Variants in SRGAP3 observed in about 807,000 individuals in gnomAD.
SRGAP3 encodes the protein SLIT-ROBO Rho GTPase-activating protein 3.
In SRGAP3, 39 loss-of-function variants were observed where a neutral mutation model predicts 121.1. The observed-to-expected ratio is 0.32, with a 90% confidence interval of 0.25 to 0.42. The LOEUF (loss-of-function observed/expected upper bound fraction) is 0.42. Ranked by LOEUF, SRGAP3 falls within the 10% of genes least tolerant of loss-of-function variation. SRGAP3 has a pLI of 1.00. For synonymous variants in SRGAP3, 601 were observed against 570.0 expected, an observed-to-expected ratio of 1.05 and a Z score of -0.77; for missense variants, 1,213 against 1,470.6, an observed-to-expected ratio of 0.82 and a Z score of 2.86.
At chr3:9,274,567 G>A (rs1314772903) in intron 3 of SRGAP3, among the ~76,000 whole-genome samples, 1 of 152,228 alleles carries the variant, frequency 6.6e-6, no homozygotes, top group Admixed American at 6.5e-5. Context: ...TTTGTCGTCT[G>A]AGGACAGCTT....
intron 1 of SRGAP3, among the ~76,000 whole-genome samples, chr3:9,194,736 T>G (rs1314531716): frequency 6.6e-6 from 1 of 152,234 alleles, no homozygotes; most frequent in East Asian, 1.9e-4. Flanking sequence ...GCTTCTATTG[T>G]TCTTTCCCCT....
chr3:9,100,748 C>T (rs905747719), intron 3 of SRGAP3, among the ~76,000 whole-genome samples: 5 of 152,220 alleles, frequency 3.3e-5, no homozygotes, highest in African/African-American at 7.2e-5. Flanking sequence ...AACACCATCA[C>T]GGGTCTTATG....
intron 1 of SRGAP3, among the ~76,000 whole-genome samples, chr3:9,153,702 AC>A (rs1437693608): frequency 6.6e-6 from 1 of 151,980 alleles, no homozygotes; most frequent in Non-Finnish European, 1.5e-5. Flanking sequence ...AAAGAGAGTG[AC>A]AAAAAGATCT....
rs887831154 is a variant in SRGAP3, at chr3:9,060,070, A to T, written c.801+161T>A. ...CACCACGAGGTAACATTCATTTTCC[A>T]CCTCCCCAAATCACTGCCCTTCCCC... On this transcript the variant is annotated intron_variant, in intron 6 of 21. Transcript: ENST00000383836. 22 of 1,138,244 alleles carry T rather than the reference A, an allele frequency of 1.9e-5. No homozygotes were observed. The African/African-American group carries it at 3.1e-4, about 16-fold the overall frequency. 70.5% of individuals were successfully genotyped at this position (1,138,244 alleles called of 1,614,324 possible).
intron 3 of SRGAP3, among the ~76,000 whole-genome samples, chr3:9,083,167 C>T (rs1482678759): frequency 6.6e-6 from 1 of 152,246 alleles, no homozygotes; most frequent in African/African-American, 2.4e-5. Flanking sequence ...TTCCCCATCA[C>T]TGCTGACTCC....
chr3:9,271,682 C>A (rs1473948095), intron 3 of SRGAP3, among the ~76,000 whole-genome samples: 2 of 152,164 alleles, frequency 1.3e-5, no homozygotes, highest in Non-Finnish European at 2.9e-5. Flanking sequence ...GGAAAATTAG[C>A]TTCCCCATTG....
chr3:9,329,073 G>C (rs1162407368), intron 2 of SRGAP3, among the ~76,000 whole-genome samples: 1 of 152,166 alleles, frequency 6.6e-6, no homozygotes, highest in Non-Finnish European at 1.5e-5. Flanking sequence ...CTGAGCACGA[G>C]TTTATGGGGT....
intron 3 of SRGAP3, among the ~76,000 whole-genome samples, chr3:9,305,720 C>T (rs1389007098): frequency 2.6e-5 from 4 of 152,080 alleles, no homozygotes; most frequent in Admixed American, 6.5e-5. Flanking sequence ...TCATCCATGT[C>T]CCTGCAAAGG....
intron 1 of SRGAP3, among the ~76,000 whole-genome samples, chr3:9,175,596 T>C (rs1229986334): frequency 6.6e-6 from 1 of 152,202 alleles, no homozygotes; most frequent in Non-Finnish European, 1.5e-5. Flanking sequence ...GCTGGGACTC[T>C]GGGTACCCCC....
chr3:9,207,674 C>T (rs1219824215), intron 1 of SRGAP3, among the ~76,000 whole-genome samples: 1 of 152,194 alleles, frequency 6.6e-6, no homozygotes, highest in African/African-American at 2.4e-5. Context: ...AGCACTGAAG[C>T]TGAGGTTGGC....
At chr3:9,351,808 C>T (rs955166830) in intron 1 of SRGAP3, among the ~76,000 whole-genome samples, 1 of 152,068 alleles carries the variant, frequency 6.6e-6, no homozygotes, top group African/African-American at 2.4e-5. Flanking sequence ...TCAAATTATA[C>T]CCCCAGTTAA....
At chr3:9,151,534 A>G (rs73118610) in intron 1 of SRGAP3, among the ~76,000 whole-genome samples, 3,984 of 152,300 alleles carry the variant, frequency 0.026, 198 homozygotes, top group African/African-American at 0.091. Context: ...GTTGGAAAGG[A>G]GAGAATGAAG....
At chr3:9,225,914 G>C (rs1177221284) in intron 1 of SRGAP3, among the ~76,000 whole-genome samples, 1 of 65,530 alleles carries the variant, frequency 1.5e-5, no homozygotes, top group African/African-American at 4.2e-5. Context: ...AAAAGCTGCT[G>C]GGAAGTCCAT....
At chr3:9,035,402 G>A (rs1472670776) in intron 11 of SRGAP3, 34 of 171,832 alleles carry the variant, frequency 2.0e-4, no homozygotes, top group Non-Finnish European at 1.3e-5. Context: ...ATCACACGAG[G>A]ATTTCTTTCT....
At chr3:9,233,470 A>T (rs1157515763) in intron 1 of SRGAP3, among the ~76,000 whole-genome samples, 1 of 152,144 alleles carries the variant, frequency 6.6e-6, no homozygotes, top group Admixed American at 6.5e-5. Context: ...CCACGATGGT[A>T]TTTACCATCC....
intron 1 of SRGAP3, among the ~76,000 whole-genome samples, chr3:9,210,442 G>A (rs1032345265): frequency 3.9e-5 from 6 of 152,226 alleles, no homozygotes; most frequent in East Asian, 1.9e-4. Flanking sequence ...AGCTATAATC[G>A]TACCACTGCA....
intron 3 of SRGAP3, among the ~76,000 whole-genome samples, chr3:9,318,327 G>A (rs1048885850): frequency 1.3e-5 from 2 of 151,840 alleles, no homozygotes; most frequent in African/African-American, 4.8e-5. Context: ...TTACTACCCA[G>A]CCATGTCCTT....
rs1257364459 is a variant in SRGAP3, at chr3:9,190,131, G to T, written c.67+58754C>A. Among the ~76,000 whole-genome samples, 3 of 152,192 alleles carry T rather than the reference G, an allele frequency of 2.0e-5. No homozygotes were observed. In the South Asian group the frequency reaches 6.2e-4, roughly 32 times the overall value. On this transcript the variant is annotated intron_variant, in intron 1 of 21. Coordinates refer to ENST00000383836, the MANE Select transcript of SRGAP3 (RefSeq NM_014850.4). ...TAGGGATTGACACACGGCAAGAATA[G>T]AACAGAACTGGGTCTAGAAACATCC...
intron 1 of SRGAP3, among the ~76,000 whole-genome samples, chr3:9,336,747 T>G (rs1391343054): frequency 2.0e-5 from 3 of 152,086 alleles, no homozygotes; most frequent in African/African-American, 7.2e-5. Flanking sequence ...TAAACTCAGA[T>G]AGGTGGAATA....
Sources: gnomAD v4.1 joint callset for allele counts (sites outside exome capture counted in the v4.1 genomes callset) on GRCh38, gnomAD v4.1.1 for gene constraint, MANE v1.5 for transcripts, NCBI Gene and HGNC (gene_info 2026-07-23, HGNC 2026-07-21) for gene names.